ROR1: variants seen among roughly 807,000 people sequenced by gnomAD.
ROR1 encodes ROR family WNT receptor 1, also known as inactive tyrosine-protein kinase transmembrane receptor ROR1.
Under a neutral mutation model 78.8 loss-of-function variants are expected in ROR1, and 19 were observed. The ratio of observed to expected loss-of-function variants is 0.24; its 90% CI spans 0.17 to 0.35. ROR1 has a LOEUF of 0.35. ROR1 is among the 10% of genes least tolerant of loss of function. ROR1 has a pLI of 1.00. For synonymous variants in ROR1, 386 were observed against 433.6 expected (o/e 0.89, Z 1.36); for missense variants, 917 against 1,177.8 (o/e 0.78, Z 3.24).
intron 1 of ROR1, among the ~76,000 whole-genome samples, chr1:63,893,758 TAC>T (rs1645418411): frequency 6.6e-6 from 1 of 152,162 alleles, no homozygotes. Context: ...TCAAGAGATA[TAC>T]AGTGGTCCCC....
At chr1:64,012,244 G>T (rs1445581580) in intron 2 of ROR1, among the ~76,000 whole-genome samples, 1 of 152,184 alleles carries the variant, frequency 6.6e-6, no homozygotes, top group Non-Finnish European at 1.5e-5. Context: ...CCTGCGTTAG[G>T]ATATGAATGA....
chr1:64,165,628 T>A (rs1650064377), intron 8 of ROR1, among the ~76,000 whole-genome samples: 1 of 152,042 alleles, frequency 6.6e-6, no homozygotes, highest in South Asian at 2.1e-4. Context: ...CGTCATGAAA[T>A]CTTTGCCTGT....
At chr1:63,838,912 G>T (rs1645033810) in intron 1 of ROR1, among the ~76,000 whole-genome samples, 1 of 151,998 alleles carries the variant, frequency 6.6e-6, no homozygotes, top group Non-Finnish European at 1.5e-5. Context: ...AGATACCATT[G>T]TGTGACAGTC....
chr1:64,170,874 C>T (rs1182721651), intron 8 of ROR1, among the ~76,000 whole-genome samples: 1 of 152,170 alleles, frequency 6.6e-6, no homozygotes. Context: ...ACAAGAGTCA[C>T]CTCTGCTTCA....
chr1:64,139,962 CT>C, intron 5 of ROR1, 146 bp from the exon 6 acceptor site: 1 of 707,690 alleles, frequency 1.4e-6, no homozygotes, highest in Non-Finnish European at 2.3e-6. Context: ...GCTTAGACAT[CT>C]GAAATGAATC....
intron 1 of ROR1, among the ~76,000 whole-genome samples, chr1:63,887,677 A>G (rs1208462698): frequency 6.6e-6 from 1 of 152,154 alleles, no homozygotes; most frequent in South Asian, 2.1e-4. Context: ...TAAATCCAAA[A>G]AGGGTTACAG....
At chr1:64,152,113 AT>A (rs912855427) in intron 7 of ROR1, among the ~76,000 whole-genome samples, 2 of 152,064 alleles carry the variant, frequency 1.3e-5, no homozygotes, top group Non-Finnish European at 2.9e-5. Context: ...GCAAAATCTG[AT>A]TTTTTTTAAA....
intron 1 of ROR1, among the ~76,000 whole-genome samples, chr1:63,782,149 A>C (rs1266727205): frequency 6.6e-6 from 1 of 152,230 alleles, no homozygotes; most frequent in Non-Finnish European, 1.5e-5. Context: ...ATAAGGTTAG[A>C]TCATTGCCTT....
At chr1:63,949,912 G>A (rs984267425) in intron 1 of ROR1, among the ~76,000 whole-genome samples, 13 of 152,206 alleles carry the variant, frequency 8.5e-5, no homozygotes, top group Non-Finnish European at 1.6e-4. Context: ...GACGACATTC[G>A]TAAACATACT....
At chr1:64,102,132 G>A (rs572118700) in intron 4 of ROR1, among the ~76,000 whole-genome samples, 1 of 152,132 alleles carries the variant, frequency 6.6e-6, no homozygotes, top group South Asian at 2.1e-4. Flanking sequence ...AGAGACAGAG[G>A]CACCAATAGC....
chr1:63,806,630 T>TAAAAAAGG (rs1644831786), intron 1 of ROR1, among the ~76,000 whole-genome samples: 1 of 152,196 alleles, frequency 6.6e-6, no homozygotes, highest in Non-Finnish European at 1.5e-5. Context: ...ACTATTTAAT[T>TAAAAAAGG]TTTGTAAATA....
intron 1 of ROR1, among the ~76,000 whole-genome samples, chr1:63,963,675 A>G (rs933663720): frequency 6.6e-5 from 10 of 152,188 alleles, no homozygotes; most frequent in African/African-American, 2.4e-4. Context: ...AAGAAAAGCT[A>G]CATTTCCCAG....
chr1:64,129,781 A>G (rs938387397), intron 4 of ROR1, among the ~76,000 whole-genome samples: 6 of 152,204 alleles, frequency 3.9e-5, no homozygotes, highest in Non-Finnish European at 7.3e-5. Flanking sequence ...GGAATAAAAT[A>G]TATTACACAC....
chr1:63,839,345 CATCTATCT>C (rs36224861), intron 1 of ROR1, among the ~76,000 whole-genome samples: 37,349 of 146,968 alleles, frequency 0.25, 4,694 homozygotes, highest in Non-Finnish European at 0.27. Context: ...GTCTCCATAT[CATCTATCT>C]ATCTATCTAT....
intron 4 of ROR1, among the ~76,000 whole-genome samples, chr1:64,071,564 C>G (rs994533581): frequency 1.3e-5 from 2 of 151,878 alleles, no homozygotes; most frequent in Admixed American, 6.6e-5. Flanking sequence ...CACTCCCCCC[C>G]GCCCCACCAC....
chr1:64,115,265 G>C (rs1182101667), intron 4 of ROR1, among the ~76,000 whole-genome samples: 1 of 152,040 alleles, frequency 6.6e-6, no homozygotes, highest in Non-Finnish European at 1.5e-5. Context: ...GCCCAGGATG[G>C]AGTGCAGTGG....
intron 5 of ROR1, among the ~76,000 whole-genome samples, chr1:64,138,329 A>G (rs1557669778): frequency 6.6e-6 from 1 of 152,226 alleles, no homozygotes; most frequent in Non-Finnish European, 1.5e-5. Context: ...TAAACAACGA[A>G]TAATTTTTTA....
intron 7 of ROR1, 86 bp from the exon 8 acceptor site, chr1:64,158,895 G>T: frequency 1.0e-6 from 1 of 952,456 alleles, no homozygotes; most frequent in South Asian, 1.5e-5. Context: ...AATAGAAGAG[G>T]TGGTTCATTT....
At chr1:63,909,571 ACT>A (rs779017042) in intron 1 of ROR1, among the ~76,000 whole-genome samples, 2 of 151,898 alleles carry the variant, frequency 1.3e-5, no homozygotes, top group Non-Finnish European at 2.9e-5. Flanking sequence ...GTAGTTAAAG[ACT>A]CTCAGACAGA....
Sources: allele counts gnomAD v4.1 joint callset (sites outside exome capture counted in the v4.1 genomes callset), GRCh38; gene constraint gnomAD v4.1.1; transcripts MANE v1.5; gene names NCBI Gene and HGNC (gene_info 2026-07-23, HGNC 2026-07-21).